The following TCAF1 variants were observed in gnomAD, a reference collection of about 807,000 sequenced individuals.
TCAF1 encodes TRPM8 channel-associated factor 1.
In TCAF1, 4 loss-of-function variants were observed where a neutral mutation model predicts 27.3. That is an observed-to-expected ratio of 0.15 (90% CI 0.07 to 0.34). The LOEUF is 0.34. TCAF1 is among the 10% of genes least tolerant of loss of function. The probability of loss-of-function intolerance (pLI) is 1.00; values close to 1 mark genes in which losing one functional copy is unlikely to be tolerated. For synonymous variants in TCAF1, 105 were observed against 167.1 expected, an observed-to-expected ratio of 0.63 and a Z score of 2.87; for missense variants, 257 against 425.8, an observed-to-expected ratio of 0.60 and a Z score of 3.49.
chr7:143,882,028 G>A (rs1246303134), intron 1 of TCAF1: 1 of 152,168 alleles, frequency 6.6e-6, no homozygotes, highest in Non-Finnish European at 1.5e-5. Flanking sequence ...TAAACTCCCA[G>A]AGGCTGTCAG....
chr7:143,896,241 A>G (rs2116868412), intron 1 of TCAF1, among the ~76,000 whole-genome samples: 1 of 152,096 alleles, frequency 6.6e-6, no homozygotes, highest in Non-Finnish European at 1.5e-5. Context: ...ATACGATTTT[A>G]AAACAGAAAA....
chr7:143,857,666 C>T (rs1279898668), intron 7 of TCAF1, among the ~76,000 whole-genome samples: 2 of 151,646 alleles, frequency 1.3e-5, no homozygotes, highest in South Asian at 2.1e-4. Flanking sequence ...CACTAGATCA[C>T]GCAAATAGAG....
intron 2 of TCAF1, among the ~76,000 whole-genome samples, chr7:143,875,564 A>G (rs773339659): frequency 1.3e-5 from 2 of 152,090 alleles, no homozygotes; most frequent in Non-Finnish European, 2.9e-5. Context: ...TCCTAACCTC[A>G]TCTGGATAGA....
In TCAF1 at chr7:143,867,950, G is replaced by T. The variant is rs1436636526; in HGVS notation, c.621-4154C>A. 2.4e-5 allele frequency among the ~76,000 whole-genome samples: 2 copies of T among 81,662 alleles called. 1 individual carries two copies. The highest frequency in any genetic ancestry group is 5.3e-5 in the Non-Finnish European group (2 of 37,416). 53.6% of individuals were successfully genotyped at this position (81,662 alleles called of 152,430 possible). A position where few individuals can be genotyped will look rare whatever the true frequency, so the allele number is the denominator to read the frequency against. The stretch of plus-strand genomic sequence containing the variant: ...AAAAACAATTTACCATAAATCTGTG[G>T]GTCTATCTCTAAACTATCTGGTCTG... On this transcript the variant is annotated intron_variant, in intron 2 of 8. Coordinates refer to ENST00000479870, the MANE Select transcript of TCAF1 (RefSeq NM_014719.3).
At position 143,876,571 on chromosome 7, in the gene TCAF1, T is replaced by C. The variant is rs188437693; in HGVS notation, c.38A>G (p.Asn13Ser). Residue 13 changes from asparagine to serine, a missense_variant, in exon 2 of 9, where the codon AAT (asparagine) becomes AGT (serine). Around this residue, in one of 2 missense-constraint regions of TCAF1, gnomAD observed 255 missense variants for 260.1 expected, o/e 0.98. Coordinates refer to ENST00000479870, the MANE Select transcript of TCAF1 (RefSeq NM_014719.3). ...GGGTACATCCCAGCTTGTCACACCA[T>C]TCATAAGGGCCTCGAAGGCAGCAGA... The part of the protein sequence containing the change: ...TPSAAFEALM[N>S]GVTSWDVPED... 4 of 1,523,572 alleles carry C rather than the reference T, an allele frequency of 2.6e-6. No individual in the cohort carries two copies. The East Asian group carries it at 9.0e-5, about 34-fold the overall frequency. 94.4% of individuals were successfully genotyped at this position (1,523,572 alleles called of 1,614,324 possible). A position where few individuals can be genotyped will look rare whatever the true frequency, so the allele number is the denominator to read the frequency against.
rs1811277798 is a variant in TCAF1, at chr7:143,851,429, TA to T, written c.*2703del. ...TTTTCAAAGTAATACATGCACAAGG[TA>T]AAAAATTAAATAGTACAGAAGGACT... On this transcript the variant is annotated 3_prime_UTR_variant, in exon 9 of 9. Coordinates refer to ENST00000479870, the MANE Select transcript of TCAF1 (RefSeq NM_014719.3). The T allele has an allele frequency of 6.6e-6, 1 of 152,286 alleles. No homozygotes were observed. Among genetic ancestry groups the T allele is most frequent in the African/African-American group, 2.4e-5 (1 of 41,466 alleles). 9.4% of individuals were successfully genotyped at this position (152,286 alleles called of 1,614,324 possible). A position where few individuals can be genotyped will look rare whatever the true frequency, so the allele number is the denominator to read the frequency against.
chr7:143,893,054 G>A (rs1166832677), intron 1 of TCAF1, among the ~76,000 whole-genome samples: 2 of 152,044 alleles, frequency 1.3e-5, no homozygotes, highest in Non-Finnish European at 2.9e-5. Context: ...ATTTAGAAGA[G>A]AAATATTGAA....
At position 143,859,511 on chromosome 7, in the gene TCAF1, A is replaced by G. The variant is rs200331903; in HGVS notation, c.2168-350T>C. Among the ~76,000 whole-genome samples, 1,129 of 141,196 alleles carry G rather than the reference A, an allele frequency of 8.0e-3. 6 individuals carry two copies. The East Asian group carries it at 0.2, about 24-fold the overall frequency. 92.6% of individuals were successfully genotyped at this position (141,196 alleles called of 152,430 possible). ...TCACTATAACCTTTTCTCAAAATTC[A>G]GAGCTCTTTAAGGGTAGCTCCTCTC... is the stretch of plus-strand genomic sequence containing the variant. On this transcript the variant is annotated intron_variant, in intron 6 of 8. Coordinates refer to ENST00000479870, the MANE Select transcript of TCAF1 (RefSeq NM_014719.3).
At chr7:143,891,563 T>C (rs1813637777) in intron 1 of TCAF1, among the ~76,000 whole-genome samples, 1 of 151,992 alleles carries the variant, frequency 6.6e-6, no homozygotes, top group South Asian at 2.1e-4. Flanking sequence ...AAGTAGAAAG[T>C]ATCCATACAT....
chr7:143,882,589 G>C lies in TCAF1; in HGVS notation c.-14-5967C>G, dbSNP rs10952570. On this transcript the variant is annotated intron_variant, in intron 1 of 8. Transcript: ENST00000479870. Reference sequence around the variant, plus strand: ...TCTGTCCCCGATGATTTCTGATTTCGGCACACCCAGACCCACGGCGCACCC... The same window carrying C: ...TCTGTCCCCGATGATTTCTGATTTCCGCACACCCAGACCCACGGCGCACCC... 43 of 985,514 alleles carry C rather than the reference G, an allele frequency of 4.4e-5. No homozygotes were observed. The East Asian group carries it at 1.6e-3, about 36-fold the overall frequency. 61.0% of individuals were successfully genotyped at this position (985,514 alleles called of 1,614,324 possible).
At chr7:143,886,028 G>A (rs1251631493) in intron 1 of TCAF1, among the ~76,000 whole-genome samples, 1 of 152,204 alleles carries the variant, frequency 6.6e-6, no homozygotes, top group Non-Finnish European at 1.5e-5. Context: ...TGCTAGTTCT[G>A]ATCCATGTTA....
At chr7:143,891,958 T>A (rs1324559105) in intron 1 of TCAF1, among the ~76,000 whole-genome samples, 1 of 151,978 alleles carries the variant, frequency 6.6e-6, no homozygotes, top group Non-Finnish European at 1.5e-5. Context: ...CACAACAGAA[T>A]TCCTAAAAGA....
Position 143,887,089 on chromosome 7 carries a change from C to G in TCAF1, c.-14-10467G>C, listed in dbSNP as rs938514575. On this transcript the variant is annotated intron_variant, in intron 1 of 8. Transcript: ENST00000479870. ...ATAAGCTAAATTTTAAATGCTGGAT[C>G]CTTTCTTATTTCTACTTCCCCTTGA... 2.6e-5 allele frequency among the ~76,000 whole-genome samples: 4 copies of G among 152,126 alleles called. No individual in the cohort carries two copies. In the East Asian group the frequency reaches 7.8e-4, roughly 29 times the overall value.
Position 143,875,970 on chromosome 7 carries a change from AGTGG to A in TCAF1, c.620+15_620+18del, listed in dbSNP as rs770790747. 2.0e-6 allele frequency: 3 copies of A among 1,522,610 alleles called. No individual in the cohort carries two copies. Among genetic ancestry groups the A allele is most frequent in the Non-Finnish European group, 2.6e-6 (3 of 1,136,142 alleles). 94.3% of individuals were successfully genotyped at this position (1,522,610 alleles called of 1,614,324 possible). On this transcript the variant is annotated intron_variant, in intron 2 of 8. Coordinates refer to ENST00000479870, the MANE Select transcript of TCAF1 (RefSeq NM_014719.3). ...TTTTCAACCCTGGAGCCAACTCCCC[AGTGG>A]GGTAACATACTCACCTAACCAACAC...
At chr7:143,896,684 C>A (rs1354372186) in intron 1 of TCAF1, among the ~76,000 whole-genome samples, 1 of 151,846 alleles carries the variant, frequency 6.6e-6, no homozygotes, top group East Asian at 1.9e-4. Context: ...TTAAAAGGTA[C>A]ATTTATAAAA....
At chr7:143,900,860 A>G (rs1464961031) in intron 1 of TCAF1, among the ~76,000 whole-genome samples, 2 of 152,246 alleles carry the variant, frequency 1.3e-5, no homozygotes, top group African/African-American at 4.8e-5. Context: ...AGATGAATCT[A>G]TAAAACTTAA....
chr7:143,877,013 A>G (rs1812756119), intron 1 of TCAF1, among the ~76,000 whole-genome samples: 2 of 152,230 alleles, frequency 1.3e-5, no homozygotes, highest in Non-Finnish European at 1.5e-5. Context: ...TCATAGTCCA[A>G]TGACTGATGT....
At position 143,882,646 on chromosome 7, in the gene TCAF1, G is replaced by A. The variant is rs921777568; in HGVS notation, c.-14-6024C>T. On this transcript the variant is annotated intron_variant, in intron 1 of 8. Transcript: ENST00000479870. ...CCCCGCACCCCCGCCCCGGCCTCCC[G>A]CCCTGCCCTCCCCCCCGCAGCACCC... The A allele has an allele frequency of 6.1e-5, 29 of 478,742 alleles. No individual in the cohort carries two copies. The Admixed American group carries it at 1.3e-3, about 22-fold the overall frequency. The allele number at this position is 478,742 out of a possible 1,614,324, so 29.7% of individuals were successfully genotyped here. A position where few individuals can be genotyped will look rare whatever the true frequency, so the allele number is the denominator to read the frequency against.
Position 143,854,422 on chromosome 7 carries a change from GAA to G in TCAF1, c.2757-282_2757-281del, listed in dbSNP as rs536551314. Among the ~76,000 whole-genome samples, 28 of 151,958 alleles carry G rather than the reference GAA, an allele frequency of 1.8e-4. No individual in the cohort carries two copies. In the East Asian group the frequency reaches 5.4e-3, roughly 29 times the overall value. Reference sequence around the variant, plus strand: ...ATCATTCAAAATCCAACAAACTAGAGAACACTTTCATGGTACCCTAGAAAGAA... The same window carrying G: ...ATCATTCAAAATCCAACAAACTAGAGCACTTTCATGGTACCCTAGAAAGAA... On this transcript the variant is annotated intron_variant, in intron 8 of 8. Coordinates refer to ENST00000479870, the MANE Select transcript of TCAF1 (RefSeq NM_014719.3).
Sources: gnomAD v4.1 joint callset for allele counts (sites outside exome capture counted in the v4.1 genomes callset) on GRCh38, gnomAD v4.1.1 for gene constraint, gnomAD v4.1.1 regional missense constraint, MANE v1.5 for transcripts, NCBI Gene and HGNC (gene_info 2026-07-23, HGNC 2026-07-21) for gene names.